The following DPP10 variants were observed in gnomAD, a reference collection of about 807,000 sequenced individuals.
DPP10 encodes dipeptidyl peptidase like 10.
DPP10 carries 33 observed loss-of-function variants against 120.9 expected under a neutral mutation model. The observed-to-expected ratio is 0.27, with a 90% CI of 0.21 to 0.37. The LOEUF is 0.37. DPP10 is among the 10% of genes least tolerant of loss of function. DPP10 has a pLI of 1.00. For synonymous variants in DPP10, 337 were observed against 326.1 expected, an observed-to-expected ratio of 1.03 and a Z score of -0.36; for missense variants, 816 against 942.8, an observed-to-expected ratio of 0.87 and a Z score of 1.76.
rs547649392 is a variant in DPP10, at chr2:115,213,395, A to T, written c.61-95844A>T. ...CCCATATTTTTGCCCCATGTCACCC[A>T]TCCATGGTGATTAATACTCATCCTT... On this transcript the variant is annotated intron_variant, in intron 1 of 25. Coordinates refer to ENST00000410059, the MANE Select transcript of DPP10 (RefSeq NM_020868.6). Among the ~76,000 whole-genome samples, 50 of 152,224 alleles carry T rather than the reference A, an allele frequency of 3.3e-4. No individual in the cohort carries two copies. In the South Asian group the frequency reaches 9.9e-3, roughly 30 times the overall value.
intron 4 of DPP10, 138 bp from the exon 5 acceptor site, chr2:115,525,760 T>G: frequency 1.6e-6 from 1 of 617,140 alleles, no homozygotes; most frequent in Non-Finnish European, 2.8e-6. Context: ...CATACATACA[T>G]GCAAATATGT....
chr2:115,209,013 AC>A (rs2056337996), intron 1 of DPP10, among the ~76,000 whole-genome samples: 1 of 152,150 alleles, frequency 6.6e-6, no homozygotes, highest in Non-Finnish European at 1.5e-5. Flanking sequence ...AAGTAAGTAA[AC>A]TGGCATGATG....
chr2:115,089,997 A>T (rs1237126382), intron 1 of DPP10, among the ~76,000 whole-genome samples: 3 of 151,700 alleles, frequency 2.0e-5, no homozygotes, highest in Non-Finnish European at 2.9e-5. Flanking sequence ...AGTATCTAGT[A>T]CATCACAGGG....
intron 1 of DPP10, among the ~76,000 whole-genome samples, chr2:114,532,431 C>T (rs144657436): frequency 8.0e-5 from 12 of 150,878 alleles, no homozygotes; most frequent in African/African-American, 2.0e-4. Context: ...GTGTATGAAA[C>T]GTATGCACAG....
chr2:114,958,062 C>G (rs1698342919), intron 1 of DPP10, among the ~76,000 whole-genome samples: 1 of 151,820 alleles, frequency 6.6e-6, no homozygotes, highest in African/African-American at 2.4e-5. Flanking sequence ...CTGGGCAGCC[C>G]CCAGAATCAC....
intron 1 of DPP10, among the ~76,000 whole-genome samples, chr2:114,779,084 G>A (rs1396829947): frequency 6.6e-6 from 1 of 151,894 alleles, no homozygotes; most frequent in Non-Finnish European, 1.5e-5. Context: ...GGTACCTCTG[G>A]GGCCTGAGTA....
chr2:114,927,547 T>C (rs1695726464), intron 1 of DPP10, among the ~76,000 whole-genome samples: 2 of 152,058 alleles, frequency 1.3e-5, no homozygotes, highest in South Asian at 4.1e-4. Context: ...CATTCCTTTG[T>C]GTTTCTCATA....
At chr2:115,485,231 A>G (rs1202844687) in intron 3 of DPP10, among the ~76,000 whole-genome samples, 4 of 103,008 alleles carry the variant, frequency 3.9e-5, no homozygotes, top group Non-Finnish European at 7.9e-5. Context: ...AAACTTTAAC[A>G]CTGTTCCAAA....
intron 3 of DPP10, among the ~76,000 whole-genome samples, chr2:115,419,620 C>T (rs1164339124): frequency 6.6e-6 from 1 of 152,030 alleles, no homozygotes; most frequent in Non-Finnish European, 1.5e-5. Flanking sequence ...ACAAAATATC[C>T]AACCAGTATC....
intron 2 of DPP10, among the ~76,000 whole-genome samples, chr2:115,319,052 A>T (rs1219924260): frequency 6.6e-6 from 1 of 152,238 alleles, no homozygotes; most frequent in East Asian, 1.9e-4. Flanking sequence ...TTAGATAAAG[A>T]TTCTTTACAT....
intron 1 of DPP10, among the ~76,000 whole-genome samples, chr2:114,545,126 AG>A (rs1376148866): frequency 6.6e-6 from 1 of 152,164 alleles, no homozygotes; most frequent in African/African-American, 2.4e-5. Context: ...CTGAGATTAC[AG>A]GTGTGAGCCA....
intron 5 of DPP10, among the ~76,000 whole-genome samples, chr2:115,537,012 C>G (rs959631290): frequency 3.3e-5 from 5 of 152,032 alleles, no homozygotes; most frequent in Non-Finnish European, 5.9e-5. Flanking sequence ...CTACACAAGA[C>G]AGTCCTTAAT....
At chr2:115,380,755 C>CA (rs1350890286) in intron 3 of DPP10, among the ~76,000 whole-genome samples, 5 of 152,132 alleles carry the variant, frequency 3.3e-5, no homozygotes, top group Admixed American at 2.6e-4. Context: ...CTGGTGGTGA[C>CA]AAAATCTCTC....
At chr2:115,563,001 C>T (rs1362161482) in intron 5 of DPP10, among the ~76,000 whole-genome samples, 1 of 152,160 alleles carries the variant, frequency 6.6e-6, no homozygotes, top group Non-Finnish European at 1.5e-5. Context: ...TATTCATACA[C>T]GAAGGTGTGA....
At chr2:114,999,064 A>G (rs1328022989) in intron 1 of DPP10, among the ~76,000 whole-genome samples, 1 of 152,144 alleles carries the variant, frequency 6.6e-6, no homozygotes, top group Non-Finnish European at 1.5e-5. Flanking sequence ...ACTTTTTTAT[A>G]AGGTGTGGTG....
chr2:114,815,930 A>G (rs1410017813), intron 1 of DPP10, among the ~76,000 whole-genome samples: 3 of 150,384 alleles, frequency 2.0e-5, no homozygotes, highest in African/African-American at 4.9e-5. Context: ...AACTTCATCT[A>G]GTTACCTATC....
At chr2:115,602,247 C>T (rs1004898945) in intron 5 of DPP10, among the ~76,000 whole-genome samples, 9 of 152,132 alleles carry the variant, frequency 5.9e-5, no homozygotes, top group African/African-American at 1.9e-4. Context: ...AACTATCAGA[C>T]ACAGTCTCTG....
chr2:114,976,676 C>CA (rs762875018), intron 1 of DPP10, among the ~76,000 whole-genome samples: 9 of 151,998 alleles, frequency 5.9e-5, no homozygotes, highest in African/African-American at 2.2e-4. Context: ...AACTTCTCTG[C>CA]AAAAAAGTAT....
intron 1 of DPP10, among the ~76,000 whole-genome samples, chr2:115,042,008 C>CTTTTTT (rs5833573): frequency 2.6e-3 from 212 of 80,132 alleles, no homozygotes; most frequent in Non-Finnish European, 3.6e-3. Context: ...TCTATCTTAT[C>CTTTTTT]TTTTTTTTTT....
Sources: gnomAD v4.1 joint callset for allele counts (sites outside exome capture counted in the v4.1 genomes callset) on GRCh38, gnomAD v4.1.1 for gene constraint, MANE v1.5 for transcripts, NCBI Gene and HGNC (gene_info 2026-07-23, HGNC 2026-07-21) for gene names.